The following ZNF366 variants were observed in gnomAD, a reference collection of about 807,000 sequenced individuals.
The protein encoded by ZNF366 is dendritic cell-specific transcript protein.
Under a neutral mutation model 47.2 loss-of-function variants are expected in ZNF366, and 20 were observed. The observed-to-expected ratio is 0.42, with a 90% CI of 0.30 to 0.62. The LOEUF (loss-of-function observed/expected upper bound fraction) is 0.62. Among genes scored for constraint, ZNF366 ranks in the 20% least tolerant of loss-of-function variants. The pLI is 0.16. For missense variants in ZNF366, 987 were observed against 976.3 expected (o/e 1.01, Z -0.15); for synonymous variants, 421 against 395.1 (o/e 1.07, Z -0.78).
In ZNF366 at chr5:72,484,547, A is replaced by G. The variant is rs181143307; in HGVS notation, c.-15+22704T>C. Among the ~76,000 whole-genome samples the G allele has an allele frequency of 1.7e-3, 260 of 152,086 alleles. 1 individual carries two copies. The highest frequency in any genetic ancestry group is 5.6e-3 in the African/African-American group (232 of 41,514). On this transcript the variant is annotated intron_variant, in intron 1 of 4. Transcript: ENST00000318442. ...TAATCATTTAAATAGTCAGTATTCAAATTTCTCTAGAAAAATTCAACTCTT... is the reference window on the plus strand; with the variant it reads ...TAATCATTTAAATAGTCAGTATTCAGATTTCTCTAGAAAAATTCAACTCTT...
chr5:72,468,041 T>TC (rs1375652997), intron 1 of ZNF366, among the ~76,000 whole-genome samples: 1 of 152,188 alleles, frequency 6.6e-6, no homozygotes, highest in Non-Finnish European at 1.5e-5. Context: ...GATTTTTAAG[T>TC]CTTAAAATGA....
chr5:72,475,156 C>T (rs1387576684), intron 1 of ZNF366, among the ~76,000 whole-genome samples: 3 of 152,166 alleles, frequency 2.0e-5, no homozygotes, highest in Admixed American at 1.3e-4. Context: ...TTTGCTCTGA[C>T]ATGCAGGAGC....
At chr5:72,471,634 G>T (rs1743567238) in intron 1 of ZNF366, among the ~76,000 whole-genome samples, 1 of 152,154 alleles carries the variant, frequency 6.6e-6, no homozygotes, top group Admixed American at 6.5e-5. Context: ...TGGGTGGAAA[G>T]GAAACTTTTA....
At chr5:72,473,607 T>C (rs1225278399) in intron 1 of ZNF366, among the ~76,000 whole-genome samples, 3 of 152,218 alleles carry the variant, frequency 2.0e-5, no homozygotes, top group Non-Finnish European at 2.9e-5. Flanking sequence ...AGAAATGTTC[T>C]TTTCATTGAC....
intron 1 of ZNF366, among the ~76,000 whole-genome samples, chr5:72,467,977 G>A (rs781289734): frequency 3.9e-4 from 60 of 152,206 alleles, no homozygotes; most frequent in East Asian, 5.8e-4. Context: ...ATGAACTGGC[G>A]GTTATCTTCT....
chr5:72,490,138 G>A (rs868584673), intron 1 of ZNF366, among the ~76,000 whole-genome samples: 3 of 152,188 alleles, frequency 2.0e-5, no homozygotes, highest in African/African-American at 7.2e-5. Flanking sequence ...TTCAAGAGTA[G>A]CTTCAAGGGT....
chr5:72,483,907 GA>G (rs1373327842), intron 1 of ZNF366, among the ~76,000 whole-genome samples: 2 of 151,928 alleles, frequency 1.3e-5, no homozygotes, highest in East Asian at 3.9e-4. Context: ...TAAAATCTAA[GA>G]AAGTCTGAAG....
intron 1 of ZNF366, among the ~76,000 whole-genome samples, chr5:72,463,749 G>T (rs764860554): frequency 1.3e-5 from 2 of 152,160 alleles, no homozygotes; most frequent in Non-Finnish European, 2.9e-5. Flanking sequence ...GTTATTTGAT[G>T]GTTTTTCTTG....
rs775199837 is a variant in ZNF366, at chr5:72,456,355, A to G, written c.1524+49T>C. 28 of 1,542,168 alleles carry G rather than the reference A, an allele frequency of 1.8e-5. No homozygotes were observed. In the East Asian group the frequency reaches 6.3e-4, roughly 35 times the overall value. ...GAAGGCTCCCTGGGGACCCTTTCCC[A>G]TCAGGCATTTGCACAACCCTCTGGT... is the stretch of plus-strand genomic sequence containing the variant. On this transcript the variant is annotated intron_variant, in intron 3 of 4. Transcript: ENST00000318442.
At chr5:72,492,011 G>T (rs1032892149) in intron 1 of ZNF366, among the ~76,000 whole-genome samples, 6 of 152,188 alleles carry the variant, frequency 3.9e-5, no homozygotes, top group Non-Finnish European at 8.8e-5. Flanking sequence ...TAGAGAGTGT[G>T]CAAAGCAACG....
intron 1 of ZNF366, among the ~76,000 whole-genome samples, chr5:72,474,783 C>G (rs1422735212): frequency 1.3e-5 from 2 of 152,096 alleles, no homozygotes; most frequent in East Asian, 3.9e-4. Flanking sequence ...CCCTTAGCAA[C>G]CTTACTGGAA....
intron 4 of ZNF366, 132 bp downstream of exon 4, chr5:72,447,111 A>G (rs1742975178): frequency 2.0e-6 from 2 of 998,344 alleles, no homozygotes; most frequent in South Asian, 1.7e-5. Context: ...TAGTAACATT[A>G]TAAGGTTACT....
Position 72,498,748 on chromosome 5 carries a change from T to G in ZNF366, c.-15+8503A>C, listed in dbSNP as rs911637032. 6.6e-5 allele frequency among the ~76,000 whole-genome samples: 10 copies of G among 152,340 alleles called. No homozygotes were observed. In the East Asian group the frequency reaches 1.9e-3, roughly 29 times the overall value. ...TAATCTTTTATAACAACCAGTGATT[T>G]TGGGTAGGCAGTGTGTGTATGTATA... On this transcript the variant is annotated intron_variant, in intron 1 of 4. Coordinates refer to ENST00000318442, the MANE Select transcript of ZNF366 (RefSeq NM_152625.3).
rs1268765899 is a variant in ZNF366 at position 72,440,450 on chromosome 5, CA to C, written c.*3305del. On this transcript the variant is annotated 3_prime_UTR_variant, in exon 5 of 5. Coordinates refer to ENST00000318442, the MANE Select transcript of ZNF366 (RefSeq NM_152625.3). The stretch of plus-strand genomic sequence containing the variant: ...TTGATTTGTTCAAAGTGACAGTGGT[CA>C]AAAGGCTGGAAAGCATTTGGTAGTG... The C allele has an allele frequency of 6.6e-6, 1 of 152,190 alleles. No individual in the cohort carries two copies. Among genetic ancestry groups the C allele is most frequent in the African/African-American group, 2.4e-5 (1 of 41,444 alleles). 9.4% of individuals were successfully genotyped at this position (152,190 alleles called of 1,614,324 possible).
chr5:72,481,350 C>A (rs960024734), intron 1 of ZNF366, among the ~76,000 whole-genome samples: 1 of 152,078 alleles, frequency 6.6e-6, no homozygotes, highest in Non-Finnish European at 1.5e-5. Flanking sequence ...ATCAATAATA[C>A]TACCACCAAG....
chr5:72,462,699 C>T (rs531007152), intron 1 of ZNF366, among the ~76,000 whole-genome samples: 15 of 151,962 alleles, frequency 9.9e-5, no homozygotes, highest in Admixed American at 3.9e-4. Flanking sequence ...TACAGGTGTG[C>T]GCCACCACGC....
At chr5:72,453,861 C>A (rs569517385) in intron 3 of ZNF366, among the ~76,000 whole-genome samples, 75 of 152,258 alleles carry the variant, frequency 4.9e-4, no homozygotes, top group African/African-American at 1.7e-3. Context: ...ATGGAGAAGG[C>A]CCACCTTCTC....
chr5:72,457,183 G>A (rs1017537687), intron 2 of ZNF366, among the ~76,000 whole-genome samples: 2 of 152,194 alleles, frequency 1.3e-5, no homozygotes, highest in Admixed American at 6.5e-5. Flanking sequence ...TGGTTATGGA[G>A]CCTTCCCTAA....
intron 2 of ZNF366, 71 bp from the exon 3 acceptor site, chr5:72,456,666 AT>A (rs1743192939): frequency 9.9e-6 from 14 of 1,420,352 alleles, no homozygotes; most frequent in Non-Finnish European, 1.2e-5. Context: ...CATAGGCTTC[AT>A]TTTCCTCTCT....
Sources: allele counts gnomAD v4.1 joint callset (sites outside exome capture counted in the v4.1 genomes callset), GRCh38; gene constraint gnomAD v4.1.1; transcripts MANE v1.5; gene names NCBI Gene and HGNC (gene_info 2026-07-23, HGNC 2026-07-21).